The following ANK1 variants were observed in gnomAD, a reference collection of about 807,000 sequenced individuals.
ANK1 encodes the protein ankyrin-1.
In ANK1, 51 loss-of-function variants were observed where a neutral mutation model predicts 210.4. The observed-to-expected ratio is 0.24, with a 90% CI of 0.19 to 0.31. The LOEUF is 0.31. Among genes scored for constraint, ANK1 ranks in the 10% least tolerant of loss-of-function variants. The pLI, the probability that ANK1 is intolerant of heterozygous loss-of-function variation, is 1.00. For missense variants in ANK1, 2,051 were observed against 2,504.4 expected (o/e 0.82, Z 3.86); for synonymous variants, 967 against 1,025.9 (o/e 0.94, Z 1.10).
rs1245498611 is a variant in ANK1 at position 41,858,593 on chromosome 8, GA to G, written c.126+37761del. Among the ~76,000 whole-genome samples, 6 of 152,160 alleles carry G rather than the reference GA, an allele frequency of 3.9e-5. No homozygotes were observed. The East Asian group carries it at 9.6e-4, about 24-fold the overall frequency. On this transcript the variant is annotated intron_variant, in intron 1 of 42. Coordinates refer to the ANK1 transcript ENST00000265709. Reference sequence around the variant, plus strand: ...GCTCGGACGTGAGCACAGCCGCAGGGAGCCCACAGAGGGCTTGGTGGCCAAG... The same window carrying G: ...GCTCGGACGTGAGCACAGCCGCAGGGGCCCACAGAGGGCTTGGTGGCCAAG...
rs1156374576 is a variant in ANK1 at position 41,661,418 on chromosome 8, G to A, written c.*36+12C>T. On this transcript the variant is annotated intron_variant, in intron 42 of 42. Coordinates refer to ENST00000289734, the MANE Select transcript of ANK1 (RefSeq NM_000037.4). ...CCAGGCCATGCAGAGGGGATGAGAA[G>A]GGCAGCGTTACCTCCCGAGAGGCTA... 2.5e-6 allele frequency: 4 copies of A among 1,613,696 alleles called. No homozygotes were observed. Among genetic ancestry groups the A allele is most frequent in the Admixed American group, 3.3e-5 (2 of 60,012 alleles).
intron 1 of ANK1, among the ~76,000 whole-genome samples, chr8:41,825,634 G>A (rs1298771562): frequency 6.6e-6 from 1 of 152,190 alleles, no homozygotes; most frequent in Admixed American, 6.5e-5. Flanking sequence ...AGCGTGGTGG[G>A]ATTTCACCTT....
At chr8:41,823,168 G>A (rs1804773621) in intron 1 of ANK1, among the ~76,000 whole-genome samples, 1 of 152,172 alleles carries the variant, frequency 6.6e-6, no homozygotes, top group Non-Finnish European at 1.5e-5. Flanking sequence ...CAGATCTCAT[G>A]AAGAGCCTCT....
chr8:41,694,927 C>T lies in ANK1; in HGVS notation c.3116-124G>A. On this transcript the variant is annotated intron_variant, in intron 27 of 42. Coordinates refer to ENST00000289734, the MANE Select transcript of ANK1 (RefSeq NM_000037.4). This position sits in a 1 kb window ranked among gnomAD's most constrained non-coding sequence, Gnocchi z 5.7. ...CACACCCTCCCCAGGTGCCGGGCGGCATAGTGGCCAGAAGAAGTGGCCAGA... is the reference window on the plus strand; with the variant it reads ...CACACCCTCCCCAGGTGCCGGGCGGTATAGTGGCCAGAAGAAGTGGCCAGA... 1.7e-6 allele frequency: 2 copies of T among 1,152,638 alleles called. No homozygotes were observed. The highest frequency in any genetic ancestry group is 2.5e-6 in the Non-Finnish European group (2 of 786,942). The allele number at this position is 1,152,638 out of a possible 1,614,324, so 71.4% of individuals were successfully genotyped here. A position where few individuals can be genotyped will look rare whatever the true frequency, so the allele number is the denominator to read the frequency against.
chr8:41,719,467 G>A (rs1305465667), intron 10 of ANK1, among the ~76,000 whole-genome samples, 194 bp downstream of exon 10: 2 of 152,186 alleles, frequency 1.3e-5, no homozygotes, highest in Admixed American at 6.5e-5. Flanking sequence ...CCAGGTGGGT[G>A]TGCAGTGGAG....
At chr8:41,683,076 G>A (rs563104910) in intron 37 of ANK1, among the ~76,000 whole-genome samples, 4 of 149,270 alleles carry the variant, frequency 2.7e-5, no homozygotes, top group Admixed American at 1.3e-4. Context: ...ACATGAACAC[G>A]TGCACACACA....
intron 1 of ANK1, among the ~76,000 whole-genome samples, chr8:41,821,619 T>G (rs978365854): frequency 6.6e-6 from 1 of 152,218 alleles, no homozygotes; most frequent in Non-Finnish European, 1.5e-5. Context: ...TAGTTGGCCA[T>G]GACTTCCTCC....
At chr8:41,821,670 C>T (rs753247075) in intron 1 of ANK1, among the ~76,000 whole-genome samples, 3 of 152,184 alleles carry the variant, frequency 2.0e-5, no homozygotes, top group Non-Finnish European at 4.4e-5. Context: ...CTGCTTTTCC[C>T]CTAACCAGTG....
In ANK1 at chr8:41,661,647, C is replaced by T. The variant is rs118027206; in HGVS notation, c.5545-83G>A. On this transcript the variant is annotated intron_variant, in intron 41 of 42. Transcript: ENST00000289734. Reference sequence around the variant, plus strand: ...GGCAGAAGATCGAAAGGAGGCCACACGGAGGTGGCAGACACACTGCCCACC... The same window carrying T: ...GGCAGAAGATCGAAAGGAGGCCACATGGAGGTGGCAGACACACTGCCCACC... 2.7e-3 allele frequency: 4,388 copies of T among 1,604,858 alleles called. 9 individuals are homozygous for T. The highest frequency in any genetic ancestry group is 3.5e-3 in the Non-Finnish European group (4,171 of 1,177,298).
intron 17 of ANK1, among the ~76,000 whole-genome samples, chr8:41,708,138 TAG>T (rs1223388964): frequency 1.3e-5 from 2 of 152,330 alleles, no homozygotes; most frequent in Admixed American, 1.3e-4. Flanking sequence ...CATTGAATTG[TAG>T]AGTTTGAAAG....
intron 1 of ANK1, among the ~76,000 whole-genome samples, chr8:41,761,546 T>C (rs533381904): frequency 1.4e-4 from 22 of 152,320 alleles, no homozygotes; most frequent in Middle Eastern, 3.4e-3. Context: ...AGTGTGTCCC[T>C]GTGGAGGCCT....
At position 41,767,292 on chromosome 8, in the gene ANK1, T is replaced by G. The variant is rs2150728456; in HGVS notation, c.28-9155A>C. 1.4e-5 allele frequency among the ~76,000 whole-genome samples: 2 copies of G among 146,126 alleles called. 1 individual carries two copies. The highest frequency in any genetic ancestry group is 4.4e-4 in the South Asian group (2 of 4,550). ...GCCCCGGCCCCGGCCCCGGCCCCGA[T>G]CCCCGCGCCCCGGCCCCGGCCGGGC... On this transcript the variant is annotated intron_variant, in intron 1 of 42. Coordinates refer to ENST00000289734, the MANE Select transcript of ANK1 (RefSeq NM_000037.4).
At chr8:41,718,265 C>A in intron 10 of ANK1, 61 bp from the exon 11 acceptor site, 3 of 1,540,284 alleles carry the variant, frequency 1.9e-6, no homozygotes, top group Non-Finnish European at 2.7e-6. Context: ...CAAGGAACGC[C>A]CAGAAGACCA....
chr8:41,774,503 C>G (rs1426692718), intron 1 of ANK1, among the ~76,000 whole-genome samples: 2 of 152,246 alleles, frequency 1.3e-5, no homozygotes, highest in Non-Finnish European at 2.9e-5. Flanking sequence ...CTTCCCATCC[C>G]AGGGCCAGGG....
intron 16 of ANK1, among the ~76,000 whole-genome samples, chr8:41,710,477 A>C (rs563173084): frequency 6.6e-6 from 1 of 152,342 alleles, no homozygotes; most frequent in East Asian, 1.9e-4. Flanking sequence ...CCTTGTTAAA[A>C]TGCAGTGTCT....
intron 2 of ANK1, among the ~76,000 whole-genome samples, chr8:41,742,549 C>T (rs919651014): frequency 2.0e-5 from 3 of 152,204 alleles, no homozygotes; most frequent in African/African-American, 7.2e-5. Flanking sequence ...CTCAGTCCCC[C>T]ACTCCCTTTC....
Position 41,672,514 on chromosome 8 carries a change from A to G in ANK1, c.4936T>C (p.Ser1646Pro). The G allele has an allele frequency of 6.2e-7, 1 of 1,613,964 alleles. No individual in the cohort carries two copies. Among genetic ancestry groups the G allele is most frequent in the Non-Finnish European group, 8.5e-7 (1 of 1,179,992 alleles). The change falls in exon 38 of 43, where the codon TCA becomes CCA. Residue 1646 changes from serine (S) to proline (P), a missense_variant. Transcript: ENST00000289734. ...TTAGAACCTGGCAGCTTCTCTTCTG[A>G]CCTCTGACCTTCCTCCTGTTCAAGC... ...DLLEQEEGQR[S>P]EEKLPGSKRQ...
chr8:41,800,421 G>A (rs1321757134), upstream of ANK1, among the ~76,000 whole-genome samples: 1 of 152,186 alleles, frequency 6.6e-6, no homozygotes, highest in East Asian at 1.9e-4. Context: ...CTAGGGTCTG[G>A]AGGCCATGTG....
intron 1 of ANK1, among the ~76,000 whole-genome samples, chr8:41,891,203 G>C (rs1465792919): frequency 6.6e-6 from 1 of 152,098 alleles, no homozygotes; most frequent in Non-Finnish European, 1.5e-5. Context: ...CACCGATGAA[G>C]AGCGCCTGTA....
Sources: allele counts gnomAD v4.1 joint callset (sites outside exome capture counted in the v4.1 genomes callset), GRCh38; gene constraint gnomAD v4.1.1; non-coding constraint Gnocchi (gnomAD v3.1); transcripts MANE v1.5; gene names NCBI Gene and HGNC (gene_info 2026-07-23, HGNC 2026-07-21).